TACC2: variants seen among roughly 807,000 people sequenced by gnomAD.
The protein encoded by TACC2 is transforming acidic coiled-coil containing protein 2, also known as transforming acidic coiled-coil-containing protein 2.
A neutral mutation model predicts 227.3 loss-of-function variants in TACC2; 137 were observed. The observed-to-expected ratio is 0.60, with a 90% CI of 0.52 to 0.69. The LOEUF (loss-of-function observed/expected upper bound fraction) is 0.69, where lower values mean the gene tolerates loss of function less well. Among genes scored for constraint, TACC2 ranks in the 30% least tolerant of loss-of-function variants. TACC2 has a pLI of 0.00. For missense variants in TACC2, 3,470 were observed against 3,694.4 expected (o/e 0.94, Z 1.57); for synonymous variants, 1,523 against 1,487.5 (o/e 1.02, Z -0.55).
chr10:122,094,452 A>G (rs1193333859), intron 5 of TACC2, among the ~76,000 whole-genome samples: 1 of 151,914 alleles, frequency 6.6e-6, no homozygotes, highest in Admixed American at 6.6e-5. Flanking sequence ...CTAATTTTCA[A>G]CTTTTTTGTA....
intron 3 of TACC2, among the ~76,000 whole-genome samples, chr10:122,064,431 G>A (rs2077175780): frequency 6.6e-6 from 1 of 152,102 alleles, no homozygotes; most frequent in African/African-American, 2.4e-5. Context: ...TTCTCCCTCA[G>A]TGTCATTAAT....
At chr10:122,227,738 A>G in intron 13 of TACC2, 99 bp from the exon 14 acceptor site, 3 of 1,347,008 alleles carry the variant, frequency 2.2e-6, no homozygotes, top group Non-Finnish European at 3.1e-6. Flanking sequence ...CTGGAAGTCC[A>G]GGATTCCTTG....
intron 2 of TACC2, among the ~76,000 whole-genome samples, chr10:122,037,660 A>C (rs1049989483): frequency 6.6e-6 from 1 of 152,212 alleles, no homozygotes; most frequent in East Asian, 1.9e-4. Context: ...GAGCCTTTGC[A>C]GGGGCTGCAG....
intron 6 of TACC2, among the ~76,000 whole-genome samples, chr10:122,140,911 CT>C (rs1307957023): frequency 6.6e-6 from 1 of 152,162 alleles, no homozygotes; most frequent in African/African-American, 2.4e-5. Context: ...TCAGGGAGGG[CT>C]TTACTCAGTG....
At chr10:122,049,072 C>T (rs2075375851) in intron 2 of TACC2, among the ~76,000 whole-genome samples, 1 of 152,214 alleles carries the variant, frequency 6.6e-6, no homozygotes, top group African/African-American at 2.4e-5. Flanking sequence ...CTTTGTTTTC[C>T]TCCAAGCTGA....
Position 122,205,721 on chromosome 10 carries a change from C to T in TACC2, c.5972-4676C>T, listed in dbSNP as rs889918467. On this transcript the variant is annotated intron_variant, in intron 8 of 22. Coordinates refer to ENST00000369005, the MANE Select transcript of TACC2 (RefSeq NM_206862.4). This position sits in a 1 kb window ranked among gnomAD's most constrained non-coding sequence, Gnocchi z 4.5. The stretch of plus-strand genomic sequence containing the variant: ...AAGTGCTGCTCTGCAGAGGAAGGGG[C>T]GGATGGAGGCGGAGTCTGGGGTTTT... Among the ~76,000 whole-genome samples, 9 of 152,218 alleles carry T rather than the reference C, an allele frequency of 5.9e-5. No individual in the cohort carries two copies. The highest frequency in any genetic ancestry group is 1.2e-4 in the Non-Finnish European group (8 of 68,004).
intron 3 of TACC2, among the ~76,000 whole-genome samples, chr10:122,073,729 G>A (rs888273583): frequency 2.0e-5 from 3 of 152,044 alleles, no homozygotes; most frequent in Non-Finnish European, 4.4e-5. Context: ...TTGTTTAACC[G>A]CACTTCACCT....
chr10:121,995,174 C>T (rs1179064519), intron 1 of TACC2, among the ~76,000 whole-genome samples: 1 of 152,224 alleles, frequency 6.6e-6, no homozygotes, highest in African/African-American at 2.4e-5. Context: ...ACAGGTATTT[C>T]TCTAGACTCT....
chr10:122,107,410 G>A (rs1197625320), intron 5 of TACC2, among the ~76,000 whole-genome samples: 1 of 151,948 alleles, frequency 6.6e-6, no homozygotes, highest in Non-Finnish European at 1.5e-5. Flanking sequence ...CCAACATGGT[G>A]AAACCCCGTC....
chr10:122,197,840 C>G (rs2094626401), intron 8 of TACC2, among the ~76,000 whole-genome samples: 1 of 152,188 alleles, frequency 6.6e-6, no homozygotes, highest in South Asian at 2.1e-4. Context: ...AAAACCGCCT[C>G]CCAGGCGGAG....
intron 5 of TACC2, among the ~76,000 whole-genome samples, chr10:122,097,776 G>C (rs2081620963): frequency 6.6e-6 from 1 of 152,142 alleles, no homozygotes; most frequent in Non-Finnish European, 1.5e-5. Flanking sequence ...GTGGGGAGAA[G>C]ATGAGATGAG....
intron 5 of TACC2, chr10:122,126,971 C>T (rs926000260): frequency 6.6e-6 from 1 of 152,274 alleles, no homozygotes; most frequent in Non-Finnish European, 1.5e-5. Context: ...AAGGGTGGAG[C>T]CTTTGTGAAT....
At chr10:122,245,184 A>G (rs1306123585) in intron 19 of TACC2, 1 of 152,104 alleles carries the variant, frequency 6.6e-6, no homozygotes, top group Non-Finnish European at 1.5e-5. Flanking sequence ...TTCCCCCCAC[A>G]TGATTTCATG....
chr10:122,127,543 T>C (rs1009344116), intron 5 of TACC2, among the ~76,000 whole-genome samples: 1 of 152,174 alleles, frequency 6.6e-6, no homozygotes, highest in Non-Finnish European at 1.5e-5. Context: ...TGACTAAATT[T>C]ATAGTGGGCT....
At chr10:122,253,552 C>G (rs138962536) in intron 22 of TACC2, among the ~76,000 whole-genome samples, 2 of 152,106 alleles carry the variant, frequency 1.3e-5, no homozygotes, top group South Asian at 2.1e-4. Context: ...ATCCCATTCA[C>G]GTAGAACTGC....
chr10:122,008,264 A>ATTATTATTATTATTATTTTTTTTTTTT, intron 1 of TACC2, among the ~76,000 whole-genome samples: 1 of 134,654 alleles, frequency 7.4e-6, no homozygotes, highest in African/African-American at 2.8e-5. Context: ...TATTATTATT[A>ATTATTATTATTATTATTTTTTTTTTTT]TTTTTTTTTT....
chr10:122,120,888 C>A (rs2085637922), intron 5 of TACC2, among the ~76,000 whole-genome samples: 1 of 152,152 alleles, frequency 6.6e-6, no homozygotes, highest in South Asian at 2.1e-4. Flanking sequence ...GCCTCAGCCT[C>A]CCGAGTAGCT....
intron 19 of TACC2, 47 bp downstream of exon 19, chr10:122,242,048 G>A (rs1457577345): frequency 1.3e-6 from 2 of 1,564,396 alleles, no homozygotes; most frequent in Non-Finnish European, 1.8e-6. Flanking sequence ...CGATGTTTCT[G>A]AACTATGAGG....
chr10:122,139,006 A>G (rs2090122149), intron 6 of TACC2, among the ~76,000 whole-genome samples: 1 of 152,184 alleles, frequency 6.6e-6, no homozygotes, highest in Non-Finnish European at 1.5e-5. Flanking sequence ...ACATAAGGAA[A>G]TCTTGCCCCT....
Sources: allele counts gnomAD v4.1 joint callset (sites outside exome capture counted in the v4.1 genomes callset), GRCh38; gene constraint gnomAD v4.1.1; non-coding constraint Gnocchi (gnomAD v3.1); transcripts MANE v1.5; gene names NCBI Gene and HGNC (gene_info 2026-07-23, HGNC 2026-07-21).